The following KCTD12 variants were observed in gnomAD, a reference collection of about 807,000 sequenced individuals.
The protein encoded by KCTD12 is potassium channel tetramerization domain containing 12, also known as BTB/POZ domain-containing protein KCTD12.
In KCTD12, 16 loss-of-function variants were observed where a neutral mutation model predicts 22.6. The ratio of observed to expected loss-of-function variants is 0.71; its 90% CI spans 0.48 to 1.07. The LOEUF (loss-of-function observed/expected upper bound fraction) is 1.07. Ranked by LOEUF, KCTD12 falls within the 50% of genes least tolerant of loss-of-function variation. The probability of loss-of-function intolerance (pLI) is 0.00; values close to 1 mark genes in which losing one functional copy is unlikely to be tolerated. For synonymous variants in KCTD12, 260 were observed against 228.0 expected (o/e 1.14, Z -1.26); for missense variants, 452 against 469.2 (o/e 0.96, Z 0.34).
chr13:76,885,631 C>T lies in KCTD12; in HGVS notation c.518G>A (p.Gly173Glu), dbSNP rs1441367949. 4.0e-6 allele frequency: 6 copies of T among 1,494,650 alleles called. No homozygotes were observed. The highest frequency in any genetic ancestry group is 5.3e-6 in the Non-Finnish European group (6 of 1,134,140). The allele number at this position is 1,494,650 out of a possible 1,614,324, so 92.6% of individuals were successfully genotyped here. ...CAGCTCCAGCGTGGGCGACGGCGCC[C>T]CGGCAGAGGCGCCCTCCTGCTGTTC... ...EPEQQEGASAGAPSPTLELAS... is the reference protein window; with the variant it reads ...EPEQQEGASAEAPSPTLELAS... Residue 173 changes from glycine (G) to glutamate (E), a missense_variant, in exon 1 of 1, where the codon GGG becomes GAG. Gly to Glu is a moderately conservative substitution (Grantham distance 98). Transcript: ENST00000377474. The surrounding 1 kb of genome is among the most constrained non-coding windows in gnomAD (Gnocchi z 5.1).
rs2033275316 is a variant in KCTD12 at position 76,886,294 on chromosome 13, A to ACCACCG, written c.-147_-146insCGGTGG. 1.1e-6 allele frequency: 1 copy of ACCACCG among 928,542 alleles called. No homozygotes were observed. The highest frequency in any genetic ancestry group is 1.8e-5 in the African/African-American group (1 of 55,378). 57.5% of individuals were successfully genotyped at this position (928,542 alleles called of 1,614,324 possible). ...CGCCGCCGCCACCGCCGCCACCGCC[A>ACCACCG]CCGCCGCCACCTCCTAGAGCCGCGC... On this transcript the variant is annotated 5_prime_UTR_variant, in exon 1 of 1. Transcript: ENST00000377474.
rs766062548 is a variant in KCTD12, at chr13:76,885,018, G to C, written c.*153C>G. ...TGCGGCTGCAGGTTCTGTAGTGGAG[G>C]GAAGGTGGGCGGACAGGTCTCACCC... is the stretch of plus-strand genomic sequence containing the variant. On this transcript the variant is annotated 3_prime_UTR_variant, in exon 1 of 1. Transcript: ENST00000377474. The surrounding 1 kb of genome is among the most constrained non-coding windows in gnomAD (Gnocchi z 5.1). 3.5e-5 allele frequency: 27 copies of C among 779,244 alleles called. No individual in the cohort carries two copies. In the African/African-American group the frequency reaches 4.3e-4, roughly 13 times the overall value. 48.3% of individuals were successfully genotyped at this position (779,244 alleles called of 1,614,324 possible). A position where few individuals can be genotyped will look rare whatever the true frequency, so the allele number is the denominator to read the frequency against.
In KCTD12 at chr13:76,880,380, T is replaced by C. The variant is rs144865290; in HGVS notation, c.*4791A>G. 3.3e-5 allele frequency: 5 copies of C among 152,662 alleles called. No individual in the cohort carries two copies. Among genetic ancestry groups the C allele is most frequent in the East Asian group, 1.9e-4 (1 of 5,192 alleles). The allele number at this position is 152,662 out of a possible 1,614,324, so 9.5% of individuals were successfully genotyped here. ...AAGTTTGGGCATGTCTGAAAAGACT[T>C]TGACTGCATCTTTTTTCAATATAAA... On this transcript the variant is annotated 3_prime_UTR_variant, in exon 1 of 1. Transcript: ENST00000377474.
In KCTD12 at chr13:76,880,412, T is replaced by A. The variant is rs148084749; in HGVS notation, c.*4759A>T. 2.6e-5 allele frequency: 4 copies of A among 152,446 alleles called. No individual in the cohort carries two copies. The highest frequency in any genetic ancestry group is 9.6e-5 in the African/African-American group (4 of 41,598). The allele number at this position is 152,446 out of a possible 1,614,324, so 9.4% of individuals were successfully genotyped here. A position where few individuals can be genotyped will look rare whatever the true frequency, so the allele number is the denominator to read the frequency against. ...CATCTTTTTTCAATATAAAGGGATTTTTTTCTTACATTTCTGTGTCATTAG... is the reference window on the plus strand; with the variant it reads ...CATCTTTTTTCAATATAAAGGGATTATTTTCTTACATTTCTGTGTCATTAG... On this transcript the variant is annotated 3_prime_UTR_variant, in exon 1 of 1. Coordinates refer to ENST00000377474, the MANE Select transcript of KCTD12 (RefSeq NM_138444.4).
chr13:76,885,541 C>T lies in KCTD12; in HGVS notation c.608G>A (p.Gly203Asp). Residue 203 changes from glycine to aspartate, a missense_variant, in exon 1 of 1, where the codon GGC becomes GAC. By Grantham distance (94) the Gly-to-Asp change is moderately conservative. This residue lies in a region of KCTD12 where 330 missense variants were observed against 296.5 expected (regional missense o/e 1.11). Coordinates refer to ENST00000377474, the MANE Select transcript of KCTD12 (RefSeq NM_138444.4). This position sits in a 1 kb window ranked among gnomAD's most constrained non-coding sequence, Gnocchi z 5.1. The stretch of plus-strand genomic sequence containing the variant: ...GGTGATGTAGCCCGAGCGCCGGCTG[C>T]CGTCCAGCGACTGGGACGGCGTGAG... The part of the protein sequence containing the change: ...PLLTPSQSLD[G>D]SRRSGYITIG... The T allele has an allele frequency of 1.3e-6, 2 of 1,568,272 alleles. No homozygotes were observed. The highest frequency in any genetic ancestry group is 1.7e-6 in the Non-Finnish European group (2 of 1,161,294).
rs1158870472 is a variant in KCTD12 at position 76,883,450 on chromosome 13, T to C, written c.*1721A>G. The stretch of plus-strand genomic sequence containing the variant: ...ACAGCATGGAGCATGACGAGGTTTA[T>C]TTCCCTTCACTTATGGTTTACATAG... On this transcript the variant is annotated 3_prime_UTR_variant, in exon 1 of 1. Coordinates refer to ENST00000377474, the MANE Select transcript of KCTD12 (RefSeq NM_138444.4). The C allele has an allele frequency of 6.5e-6, 1 of 152,688 alleles. No homozygotes were observed. The highest frequency in any genetic ancestry group is 1.5e-5 in the Non-Finnish European group (1 of 68,036). 9.5% of individuals were successfully genotyped at this position (152,688 alleles called of 1,614,324 possible).
In KCTD12 at chr13:76,885,904, A is replaced by C; in HGVS notation, c.245T>G (p.Leu82Arg). The change falls in exon 1 of 1, where the codon CTG (leucine) becomes CGG (arginine). Residue 82 changes from leucine (L) to arginine (R), a missense_variant. By Grantham distance (102) the Leu-to-Arg change is moderately radical. Coordinates refer to ENST00000377474, the MANE Select transcript of KCTD12 (RefSeq NM_138444.4). This position sits in a 1 kb window ranked among gnomAD's most constrained non-coding sequence, Gnocchi z 5.1. Reference sequence around the variant, plus strand: ...GCGGAAGAGGAAGCCGTCCCGGTCCAGAAAGAAGCGGCCTTTGCTGTCCCG... The same window carrying C: ...GCGGAAGAGGAAGCCGTCCCGGTCCCGAAAGAAGCGGCCTTTGCTGTCCCG... ...LARDSKGRFF[L>R]DRDGFLFRYI... 6 of 1,597,098 alleles carry C rather than the reference A, an allele frequency of 3.8e-6. No individual in the cohort carries two copies. Among genetic ancestry groups the C allele is most frequent in the Non-Finnish European group, 5.1e-6 (6 of 1,179,262 alleles).
rs1379742701 is a variant in KCTD12 at position 76,883,205 on chromosome 13, G to A, written c.*1966C>T. On this transcript the variant is annotated 3_prime_UTR_variant, in exon 1 of 1. Transcript: ENST00000377474. ...GTTTATATATGGTATATACAGCTTGGATCACATGAGTCTAAGAATAAAACT... is the reference window on the plus strand; with the variant it reads ...GTTTATATATGGTATATACAGCTTGAATCACATGAGTCTAAGAATAAAACT... 1 of 152,124 alleles carries A rather than the reference G, an allele frequency of 6.6e-6. No individual in the cohort carries two copies. The highest frequency in any genetic ancestry group is 1.9e-4 in the East Asian group (1 of 5,204). 9.4% of individuals were successfully genotyped at this position (152,124 alleles called of 1,614,324 possible).
chr13:76,883,762 G>C lies in KCTD12; in HGVS notation c.*1409C>G, dbSNP rs1220342284. ...TTTTCAGGTTTGCCCAGAAGTCAAC[G>C]TTTGCTGGGCTTGGAGAAAATAAGG... On this transcript the variant is annotated 3_prime_UTR_variant, in exon 1 of 1. Coordinates refer to ENST00000377474, the MANE Select transcript of KCTD12 (RefSeq NM_138444.4). 14 of 152,584 alleles carry C rather than the reference G, an allele frequency of 9.2e-5. No homozygotes were observed. The highest frequency in any genetic ancestry group is 9.2e-4 in the Admixed American group (14 of 15,282). The allele number at this position is 152,584 out of a possible 1,614,324, so 9.5% of individuals were successfully genotyped here.
rs2033256687 is a variant in KCTD12 at position 76,885,566 on chromosome 13, G to T, written c.583C>A (p.Leu195Ile). Reference sequence around the variant, plus strand: ...CCGTCCAGCGACTGGGACGGCGTGAGCAGCGGGCCCGCCGCGCCCCCGGAC... The same window carrying T: ...CCGTCCAGCGACTGGGACGGCGTGATCAGCGGGCCCGCCGCGCCCCCGGAC... ...SPSGGAAGPL[L>I]TPSQSLDGSR... Residue 195 changes from leucine (L) to isoleucine (I), a missense_variant, in exon 1 of 1, where the codon CTC becomes ATC. Coordinates refer to ENST00000377474, the MANE Select transcript of KCTD12 (RefSeq NM_138444.4). This position sits in a 1 kb window ranked among gnomAD's most constrained non-coding sequence, Gnocchi z 5.1. 1.3e-6 allele frequency: 2 copies of T among 1,545,034 alleles called. No homozygotes were observed. The highest frequency in any genetic ancestry group is 8.7e-7 in the Non-Finnish European group (1 of 1,150,422).
In KCTD12 at chr13:76,885,858, C is replaced by G. The variant is rs2137704256; in HGVS notation, c.291G>C (p.Arg97=). ...FLFRYILDYL[R]DLQLVLPDYF... ...AGTCGGGCAGCACGAGCTGCAAGTC[C>G]CGCAGGTAATCCAGGATGTAGCGGA... Residue 97 remains arginine, a synonymous_variant, in exon 1 of 1, where the codon CGG becomes CGC. Coordinates refer to ENST00000377474, the MANE Select transcript of KCTD12 (RefSeq NM_138444.4). The surrounding 1 kb of genome is among the most constrained non-coding windows in gnomAD (Gnocchi z 5.1). 1 of 1,596,888 alleles carries G rather than the reference C, an allele frequency of 6.3e-7. No individual in the cohort carries two copies. The highest frequency in any genetic ancestry group is 2.2e-5 in the East Asian group (1 of 44,728).
rs1296975970 is a variant in KCTD12, at chr13:76,880,633, G to A, written c.*4538C>T. 1.3e-5 allele frequency: 2 copies of A among 152,568 alleles called. No homozygotes were observed. The highest frequency in any genetic ancestry group is 2.9e-5 in the Non-Finnish European group (2 of 67,996). 9.5% of individuals were successfully genotyped at this position (152,568 alleles called of 1,614,324 possible). A position where few individuals can be genotyped will look rare whatever the true frequency, so the allele number is the denominator to read the frequency against. ...TTTACATCTTCAAAATTAACATCCA[G>A]ATGGATGTTTTAATCCTTTGTCACT... On this transcript the variant is annotated 3_prime_UTR_variant, in exon 1 of 1. Transcript: ENST00000377474.
Position 76,885,613 on chromosome 13 carries a change from AGCGTGGGCGACGGC to A in KCTD12, c.522_535del (p.Pro175GlyfsTer4). The A allele has an allele frequency of 6.6e-7, 1 of 1,507,042 alleles. No homozygotes were observed. The highest frequency in any genetic ancestry group is 8.8e-7 in the Non-Finnish European group (1 of 1,138,952). 93.4% of individuals were successfully genotyped at this position (1,507,042 alleles called of 1,614,324 possible). The stretch of plus-strand genomic sequence containing the variant: ...GGACGGACTGCGGCTAGCCAGCTCC[AGCGTGGGCGACGGC>A]GCCCCGGCAGAGGCGCCCTCCTGCT... On this transcript the variant is annotated frameshift_variant, in exon 1 of 1. Coordinates refer to ENST00000377474, the MANE Select transcript of KCTD12 (RefSeq NM_138444.4). LOFTEE classifies it high-confidence loss of function. The surrounding 1 kb of genome is among the most constrained non-coding windows in gnomAD (Gnocchi z 5.1).
Position 76,885,699 on chromosome 13 carries a change from G to A in KCTD12, c.450C>T (p.Gly150=). ...GCGGCAGCAGCTCGTCACCCAGCGA[G>A]CCCTCCTTGTGCACCCCGCGCCGCG... ...PPSRRGVHKE[G]SLGDELLPLG... Residue 150 remains glycine, a synonymous_variant, in exon 1 of 1, where the codon GGC becomes GGT. Transcript: ENST00000377474. This position sits in a 1 kb window ranked among gnomAD's most constrained non-coding sequence, Gnocchi z 5.1. 1 of 1,436,566 alleles carries A rather than the reference G, an allele frequency of 7.0e-7. No homozygotes were observed. Among genetic ancestry groups the A allele is most frequent in the South Asian group, 1.5e-5 (1 of 67,390 alleles). 89.0% of individuals were successfully genotyped at this position (1,436,566 alleles called of 1,614,324 possible).
At position 76,881,795 on chromosome 13, in the gene KCTD12, C is replaced by T. The variant is rs368116241; in HGVS notation, c.*3376G>A. 7.5e-6 allele frequency: 1 copy of T among 132,634 alleles called. No individual in the cohort carries two copies. The highest frequency in any genetic ancestry group is 1.6e-5 in the Non-Finnish European group (1 of 61,510). The allele number at this position is 132,634 out of a possible 1,614,324, so 8.2% of individuals were successfully genotyped here. A position where few individuals can be genotyped will look rare whatever the true frequency, so the allele number is the denominator to read the frequency against. On this transcript the variant is annotated 3_prime_UTR_variant, in exon 1 of 1. Transcript: ENST00000377474. ...TTCATGGTCCACATGTATTAAAAAA[C>T]ATGTCAATTACTTGGTGCAAACACA...
In KCTD12 at chr13:76,882,335, C is replaced by T. The variant is rs1468454667; in HGVS notation, c.*2836G>A. 1 of 152,140 alleles carries T rather than the reference C, an allele frequency of 6.6e-6. No individual in the cohort carries two copies. The highest frequency in any genetic ancestry group is 2.4e-5 in the African/African-American group (1 of 41,394). The allele number at this position is 152,140 out of a possible 1,614,324, so 9.4% of individuals were successfully genotyped here. A position where few individuals can be genotyped will look rare whatever the true frequency, so the allele number is the denominator to read the frequency against. On this transcript the variant is annotated 3_prime_UTR_variant, in exon 1 of 1. Coordinates refer to ENST00000377474, the MANE Select transcript of KCTD12 (RefSeq NM_138444.4). ...GGAAAAAGAAGTAGATTTACTGTCC[C>T]TAACCATTAAATTCCCAGTCTTTCA...
At position 76,884,297 on chromosome 13, in the gene KCTD12, TCCTACGGC is replaced by T. The variant is rs2033236489; in HGVS notation, c.*866_*873del. 6.6e-6 allele frequency: 1 copy of T among 151,986 alleles called. No individual in the cohort carries two copies. Among genetic ancestry groups the T allele is most frequent in the Non-Finnish European group, 1.5e-5 (1 of 68,012 alleles). The allele number at this position is 151,986 out of a possible 1,614,324, so 9.4% of individuals were successfully genotyped here. A position where few individuals can be genotyped will look rare whatever the true frequency, so the allele number is the denominator to read the frequency against. On this transcript the variant is annotated 3_prime_UTR_variant, in exon 1 of 1. Transcript: ENST00000377474. ...TCCCTACAGTCACTGCCAGGTGACC[TCCTACGGC>T]GCTTGGAGACCTGAGCAGCCTTGCA... is the stretch of plus-strand genomic sequence containing the variant.
In KCTD12 at chr13:76,880,510, T is replaced by C. The variant is rs1441797704; in HGVS notation, c.*4661A>G. 2.0e-5 allele frequency: 3 copies of C among 152,322 alleles called. No homozygotes were observed. The highest frequency in any genetic ancestry group is 4.4e-5 in the Non-Finnish European group (3 of 68,034). 9.4% of individuals were successfully genotyped at this position (152,322 alleles called of 1,614,324 possible). On this transcript the variant is annotated 3_prime_UTR_variant, in exon 1 of 1. Transcript: ENST00000377474. The stretch of plus-strand genomic sequence containing the variant: ...GAGAAAATGGTTTAATGATATGTAC[T>C]ATTTAAAAAATCAGAATCCCAGATA...
At position 76,884,176 on chromosome 13, in the gene KCTD12, C is replaced by T. The variant is rs2033234802; in HGVS notation, c.*995G>A. 6.6e-6 allele frequency: 1 copy of T among 150,594 alleles called. No homozygotes were observed. The highest frequency in any genetic ancestry group is 2.2e-4 in the South Asian group (1 of 4,642). The allele number at this position is 150,594 out of a possible 1,614,324, so 9.3% of individuals were successfully genotyped here. A position where few individuals can be genotyped will look rare whatever the true frequency, so the allele number is the denominator to read the frequency against. On this transcript the variant is annotated 3_prime_UTR_variant, in exon 1 of 1. Transcript: ENST00000377474. ...CCTTTCCTCCCTCCCCACCCCACCCCGCCCACCAAGTCTTACAGCTAAAGG... is the reference window on the plus strand; with the variant it reads ...CCTTTCCTCCCTCCCCACCCCACCCTGCCCACCAAGTCTTACAGCTAAAGG...
Sources: allele counts gnomAD v4.1 joint callset, GRCh38; gene constraint gnomAD v4.1.1; regional missense constraint gnomAD v4.1.1; non-coding constraint Gnocchi (gnomAD v3.1); transcripts MANE v1.5; gene names NCBI Gene and HGNC (gene_info 2026-07-23, HGNC 2026-07-21).